CRACD: variants seen among roughly 807,000 people sequenced by gnomAD.
The protein encoded by CRACD is capping protein-inhibiting regulator of actin dynamics.
In CRACD, 56 loss-of-function variants were observed where a neutral mutation model predicts 106.8. The observed-to-expected ratio is 0.52, with a 90% confidence interval of 0.42 to 0.66. The LOEUF (loss-of-function observed/expected upper bound fraction) is 0.66, where lower values mean the gene tolerates loss of function less well. Among genes scored for constraint, CRACD ranks in the 30% least tolerant of loss-of-function variants. The probability of loss-of-function intolerance (pLI) is 0.00; values close to 1 mark genes in which losing one functional copy is unlikely to be tolerated. For missense variants in CRACD, 1,730 were observed against 1,623.2 expected, an observed-to-expected ratio of 1.07 and a Z score of -1.13; for synonymous variants, 754 against 670.8, an observed-to-expected ratio of 1.12 and a Z score of -1.92.
chr4:56,175,593 T>G (rs185087840), intron 1 of CRACD, among the ~76,000 whole-genome samples: 3 of 152,320 alleles, frequency 2.0e-5, no homozygotes, highest in Admixed American at 6.5e-5. Context: ...CACATCAGGG[T>G]ACACACACAG....
chr4:56,127,843 A>G (rs1204504310), intron 1 of CRACD, among the ~76,000 whole-genome samples: 1 of 152,210 alleles, frequency 6.6e-6, no homozygotes, highest in Admixed American at 6.5e-5. Flanking sequence ...TCAATATGGA[A>G]AGCCTCATTA....
At chr4:56,144,610 G>T (rs1341068300) in intron 1 of CRACD, among the ~76,000 whole-genome samples, 1 of 150,536 alleles carries the variant, frequency 6.6e-6, no homozygotes, top group Non-Finnish European at 1.5e-5. Context: ...TTTTGGTAAG[G>T]CATATTTTTC....
intron 1 of CRACD, among the ~76,000 whole-genome samples, chr4:56,136,796 CT>C (rs911446297): frequency 1.3e-4 from 20 of 151,982 alleles, no homozygotes; most frequent in African/African-American, 4.6e-4. Flanking sequence ...AAGTTTTGTG[CT>C]TTTTAAGTCC....
chr4:56,089,732 T>G (rs1733354918), intron 1 of CRACD, among the ~76,000 whole-genome samples: 2 of 151,978 alleles, frequency 1.3e-5, no homozygotes, highest in African/African-American at 4.8e-5. Flanking sequence ...AGGCTGGTCT[T>G]GAACTCCCAA....
At chr4:56,256,614 A>G (rs1408465255) in intron 2 of CRACD, among the ~76,000 whole-genome samples, 1 of 152,216 alleles carries the variant, frequency 6.6e-6, no homozygotes, top group Non-Finnish European at 1.5e-5. Flanking sequence ...TTAGGAAGGT[A>G]CAGCAGTACT....
chr4:56,070,871 G>T (rs1560441894), intron 1 of CRACD, among the ~76,000 whole-genome samples: 1 of 151,204 alleles, frequency 6.6e-6, no homozygotes, highest in Admixed American at 6.6e-5. Flanking sequence ...GTGTGTGTGT[G>T]TGTGTGTGTG....
intron 1 of CRACD, among the ~76,000 whole-genome samples, chr4:56,070,546 C>T (rs1732610125): frequency 6.6e-6 from 1 of 152,146 alleles, no homozygotes; most frequent in Non-Finnish European, 1.5e-5. Context: ...CTCGGCCTCC[C>T]AAAATGCTGG....
chr4:56,299,745 T>G (rs1283388124), intron 4 of CRACD, among the ~76,000 whole-genome samples: 1 of 151,884 alleles, frequency 6.6e-6, no homozygotes, highest in Non-Finnish European at 1.5e-5. Flanking sequence ...AGCTAGCTGC[T>G]TGGAGGGTCT....
In CRACD at chr4:56,316,263, G is replaced by A. The variant is rs370522289; in HGVS notation, c.2761G>A (p.Ala921Thr). 40 of 1,613,822 alleles carry A rather than the reference G, an allele frequency of 2.5e-5. No homozygotes were observed. The highest frequency in any genetic ancestry group is 2.9e-5 in the Non-Finnish European group (34 of 1,179,852). The change falls in exon 8 of 11, where the codon GCT becomes ACT. Residue 921 changes from alanine (A) to threonine (T), a missense_variant. Physicochemically the swap from Ala to Thr is moderately conservative, Grantham distance 58. This residue lies in a region of CRACD where 1,620 missense variants were observed against 1,481.6 expected (regional missense o/e 1.09). Coordinates refer to ENST00000682029, the MANE Select transcript of CRACD (RefSeq NM_001393381.1). ...AGCCCCTTCCACCCGGAGGGACTCCGCTGAACCTTCCAGCAGCCGCTCTGT... is the reference window on the plus strand; with the variant it reads ...AGCCCCTTCCACCCGGAGGGACTCCACTGAACCTTCCAGCAGCCGCTCTGT... ...KQAPSTRRDS[A>T]EPSSSRSVPV...
chr4:56,243,220 G>C (rs1242291217), intron 2 of CRACD, among the ~76,000 whole-genome samples: 2 of 152,164 alleles, frequency 1.3e-5, no homozygotes, highest in Admixed American at 6.5e-5. Flanking sequence ...GTTTGTCCTT[G>C]TCTTTCTCTC....
chr4:56,185,705 G>T (rs1293331943), intron 2 of CRACD, among the ~76,000 whole-genome samples: 3 of 152,164 alleles, frequency 2.0e-5, no homozygotes, highest in Admixed American at 1.3e-4. Context: ...AGGATATGGA[G>T]AATTTGACTT....
At chr4:56,280,916 C>T (rs1031910557) in intron 3 of CRACD, among the ~76,000 whole-genome samples, 12 of 152,166 alleles carry the variant, frequency 7.9e-5, no homozygotes, top group Non-Finnish European at 1.5e-5. Context: ...TTTTACTTGA[C>T]TGTTTATCCT....
chr4:56,152,548 G>T (rs563095940), intron 1 of CRACD, among the ~76,000 whole-genome samples: 6 of 152,056 alleles, frequency 3.9e-5, no homozygotes, highest in Admixed American at 1.3e-4. Flanking sequence ...GCTGAGGTGG[G>T]AGAATCTCTC....
intron 2 of CRACD, among the ~76,000 whole-genome samples, chr4:56,206,008 G>A (rs1377693141): frequency 2.0e-5 from 3 of 152,152 alleles, no homozygotes; most frequent in African/African-American, 7.2e-5. Context: ...ATAGAAATAT[G>A]GGACTTTCAC....
Sources: gnomAD v4.1 joint callset for allele counts (sites outside exome capture counted in the v4.1 genomes callset) on GRCh38, gnomAD v4.1.1 for gene constraint, gnomAD v4.1.1 regional missense constraint, MANE v1.5 for transcripts, NCBI Gene and HGNC (gene_info 2026-07-23, HGNC 2026-07-21) for gene names.